The following PRRX1 variants were observed in gnomAD, a reference collection of about 807,000 sequenced individuals.
PRRX1 encodes paired related homeobox 1.
PRRX1 carries 8 observed loss-of-function variants against 24.0 expected under a neutral mutation model. The ratio of observed to expected loss-of-function variants is 0.33; its 90% CI spans 0.20 to 0.60. The LOEUF (loss-of-function observed/expected upper bound fraction) is 0.60, where lower values mean the gene tolerates loss of function less well. Among genes scored for constraint, PRRX1 ranks in the 20% least tolerant of loss-of-function variants. The pLI, the probability that PRRX1 is intolerant of heterozygous loss-of-function variation, is 0.82. For missense variants in PRRX1, 281 were observed against 322.4 expected (o/e 0.87, Z 0.98); for synonymous variants, 160 against 131.7 (o/e 1.22, Z -1.47).
At chr1:170,683,285 T>A (rs931217559) in intron 1 of PRRX1, among the ~76,000 whole-genome samples, 10 of 152,190 alleles carry the variant, frequency 6.6e-5, no homozygotes, top group Non-Finnish European at 1.5e-4. Context: ...ACTGGCTGTA[T>A]GGGTGAGGAT....
upstream of PRRX1, chr1:170,662,914 T>A (rs1652771720): frequency 6.6e-6 from 1 of 152,180 alleles, no homozygotes; most frequent in Admixed American, 6.5e-5. Flanking sequence ...ATCAGCACGT[T>A]TGAAGTGACT....
At chr1:170,686,179 C>CAAAAAAA (rs397754426) in intron 1 of PRRX1, among the ~76,000 whole-genome samples, 1,081 of 105,156 alleles carry the variant, frequency 0.01, 27 homozygotes, top group African/African-American at 0.036. Context: ...GTTAAGGGTA[C>CAAAAAAA]AAAAAAAAAA....
At chr1:170,710,247 G>A (rs1417013317) in intron 1 of PRRX1, among the ~76,000 whole-genome samples, 1 of 152,158 alleles carries the variant, frequency 6.6e-6, no homozygotes, top group African/African-American at 2.4e-5. Context: ...CAGTCATCAT[G>A]CTAAATGAGC....
intron 1 of PRRX1, among the ~76,000 whole-genome samples, chr1:170,679,800 T>TG (rs1416592325): frequency 2.6e-4 from 39 of 152,234 alleles, no homozygotes; most frequent in Non-Finnish European, 4.7e-4. Context: ...ACTTACCCCA[T>TG]GGATGATGTT....
At chr1:170,704,670 C>T (rs1654500119) in intron 1 of PRRX1, among the ~76,000 whole-genome samples, 3 of 152,152 alleles carry the variant, frequency 2.0e-5, no homozygotes, top group Non-Finnish European at 4.4e-5. Flanking sequence ...CTTGGAGAAA[C>T]TCAACTTCAT....
chr1:170,713,322 T>C (rs1654804919), intron 1 of PRRX1, among the ~76,000 whole-genome samples: 1 of 152,136 alleles, frequency 6.6e-6, no homozygotes, highest in South Asian at 2.1e-4. Context: ...TAAGTACAGT[T>C]CCAATATGGG....
intron 1 of PRRX1, among the ~76,000 whole-genome samples, chr1:170,692,311 A>G (rs1654015062): frequency 6.6e-6 from 1 of 152,150 alleles, no homozygotes; most frequent in Non-Finnish European, 1.5e-5. Flanking sequence ...TTGTTTCAAT[A>G]CTTTTGATTA....
At chr1:170,713,126 GTAT>G (rs1257890506) in intron 1 of PRRX1, among the ~76,000 whole-genome samples, 3 of 152,098 alleles carry the variant, frequency 2.0e-5, no homozygotes, top group Admixed American at 6.5e-5. Flanking sequence ...GAATACATTA[GTAT>G]TATTATTAGT....
At chr1:170,690,908 G>A (rs1449642171) in intron 1 of PRRX1, among the ~76,000 whole-genome samples, 1 of 152,102 alleles carries the variant, frequency 6.6e-6, no homozygotes, top group African/African-American at 2.4e-5. Context: ...ATCAAAATAA[G>A]GAAATGCATG....
chr1:170,721,452 T>G (rs2213751), intron 2 of PRRX1, among the ~76,000 whole-genome samples: 22,080 of 152,172 alleles, frequency 0.15, 2,171 homozygotes, highest in East Asian at 0.46. Flanking sequence ...CAGTACACAG[T>G]GGGAGACCAC....
At chr1:170,722,638 C>T (rs1247449401) in intron 2 of PRRX1, 1 of 152,180 alleles carries the variant, frequency 6.6e-6, no homozygotes, top group Non-Finnish European at 1.5e-5. Context: ...TTATTAGGCA[C>T]TAATTCTGGG....
chr1:170,730,254 C>A (rs752549216), intron 3 of PRRX1: 1 of 1,584,156 alleles, frequency 6.3e-7, no homozygotes, highest in Admixed American at 1.7e-5. Flanking sequence ...GCTTATTTCT[C>A]CCTTTCACAC....
chr1:170,671,825 C>T (rs141904525), intron 1 of PRRX1, among the ~76,000 whole-genome samples: 2 of 152,234 alleles, frequency 1.3e-5, no homozygotes, highest in Non-Finnish European at 2.9e-5. Context: ...GGACTGACGC[C>T]TGGGTTCCAT....
intron 1 of PRRX1, among the ~76,000 whole-genome samples, chr1:170,708,539 T>C (rs932303943): frequency 6.6e-6 from 1 of 152,162 alleles, no homozygotes; most frequent in Non-Finnish European, 1.5e-5. Flanking sequence ...AATGACTAAC[T>C]AGAAGAAAAT....
chr1:170,677,747 C>G (rs1185435479), intron 1 of PRRX1, among the ~76,000 whole-genome samples: 1 of 152,158 alleles, frequency 6.6e-6, no homozygotes, highest in Non-Finnish European at 1.5e-5. Context: ...CTATGGTTAT[C>G]ACCTTTAGGT....
chr1:170,706,600 A>T (rs74123162), intron 1 of PRRX1, among the ~76,000 whole-genome samples: 16 of 152,322 alleles, frequency 1.1e-4, no homozygotes, highest in African/African-American at 3.6e-4. Context: ...ATACATTTCT[A>T]TGAAAAAACT....
In PRRX1 at chr1:170,664,444, A is replaced by AACC. The variant is rs892666213; in HGVS notation, c.226_227insACC (p.Thr76delinsAsnPro). The stretch of plus-strand genomic sequence containing the variant: ...GCCGGGACTCACCAGCGGCAGCGAC[A>AACC]CCCCGCAGCAGGACAGTGAGTGAGG... On this transcript the variant is annotated protein_altering_variant, in exon 1 of 4. Coordinates refer to ENST00000239461, the MANE Select transcript of PRRX1 (RefSeq NM_022716.4). The AACC allele has an allele frequency of 6.2e-7, 1 of 1,602,198 alleles. No homozygotes were observed. Among genetic ancestry groups the AACC allele is most frequent in the African/African-American group, 1.3e-5 (1 of 74,772 alleles).
intron 1 of PRRX1, among the ~76,000 whole-genome samples, chr1:170,697,194 C>T (rs1654199645): frequency 6.6e-6 from 1 of 152,108 alleles, no homozygotes; most frequent in Non-Finnish European, 1.5e-5. Flanking sequence ...GCGCAGAGGC[C>T]TAGGAGTAAG....
chr1:170,733,347 G>A (rs1457657150), intron 3 of PRRX1, among the ~76,000 whole-genome samples: 1 of 152,124 alleles, frequency 6.6e-6, no homozygotes, highest in African/African-American at 2.4e-5. Context: ...TGGCTAAAGA[G>A]ATGGAATACA....
Sources: gnomAD v4.1 joint callset for allele counts (sites outside exome capture counted in the v4.1 genomes callset) on GRCh38, gnomAD v4.1.1 for gene constraint, MANE v1.5 for transcripts, NCBI Gene and HGNC (gene_info 2026-07-23, HGNC 2026-07-21) for gene names.